MGST1: variants seen among roughly 807,000 people sequenced by gnomAD.
The protein encoded by MGST1 is glutathione S-transferase 12.
MGST1 carries 5 observed loss-of-function variants against 8.9 expected under a neutral mutation model. That is an observed-to-expected ratio of 0.56 (90% CI 0.29 to 1.19). The LOEUF (loss-of-function observed/expected upper bound fraction) is 1.19, where lower values mean the gene tolerates loss of function less well. Among genes scored for constraint, MGST1 ranks in the 50% most tolerant of loss-of-function variants. MGST1 has a pLI of 0.08. For synonymous variants in MGST1, 54 were observed against 67.8 expected, an observed-to-expected ratio of 0.80 and a Z score of 1.00; for missense variants, 182 against 187.4, an observed-to-expected ratio of 0.97 and a Z score of 0.17.
In MGST1 at chr12:16,486,333, A is replaced by G. The variant is rs367815034; in HGVS notation, n.482+102729A>G. On this transcript the variant is annotated intron_variant and non_coding_transcript_variant, in intron 4 of 4. Transcript: ENST00000538857. ...GAAGCACCTAGAAGAATGCTCAGCT[A>G]TTAATCGAAAATTGATGACTATTTG... Among the ~76,000 whole-genome samples, 39 of 152,354 alleles carry G rather than the reference A, an allele frequency of 2.6e-4. No individual in the cohort carries two copies. The East Asian group carries it at 2.9e-3, about 11-fold the overall frequency.
downstream of MGST1, among the ~76,000 whole-genome samples, chr12:16,367,099 G>A (rs1377236477): frequency 6.6e-6 from 1 of 152,162 alleles, no homozygotes; most frequent in African/African-American, 2.4e-5. Flanking sequence ...CATTGAATTA[G>A]AACAATTTTT....
chr12:16,490,633 T>A (rs1941432630), intron 4 of MGST1, among the ~76,000 whole-genome samples: 1 of 152,182 alleles, frequency 6.6e-6, no homozygotes, highest in Admixed American at 6.5e-5. Flanking sequence ...ATTTTGCATA[T>A]AATGATATCA....
At chr12:16,381,746 C>T (rs1268124695), downstream of MGST1, among the ~76,000 whole-genome samples, 1 of 152,152 alleles carries the variant, frequency 6.6e-6, no homozygotes, top group Non-Finnish European at 1.5e-5. Flanking sequence ...CACCTTGGTT[C>T]CATTCTCCCC....
In MGST1 at chr12:16,482,948, A is replaced by C. The variant is rs1194617534; in HGVS notation, n.482+99344A>C. On this transcript the variant is annotated intron_variant and non_coding_transcript_variant, in intron 4 of 4. Transcript: ENST00000538857. The surrounding 1 kb of genome is among the most constrained non-coding windows in gnomAD (Gnocchi z 4.2). The stretch of plus-strand genomic sequence containing the variant: ...GCTCAAATAATTCATGAGTCCTCCA[A>C]GTAAGACTAATGTAGGCAAGAATGT... Among the ~76,000 whole-genome samples the C allele has an allele frequency of 1.3e-5, 2 of 152,200 alleles. No individual in the cohort carries two copies. Among genetic ancestry groups the C allele is most frequent in the Non-Finnish European group, 2.9e-5 (2 of 68,018 alleles).
chr12:16,380,234 A>G (rs1368889430), downstream of MGST1, among the ~76,000 whole-genome samples: 1 of 151,916 alleles, frequency 6.6e-6, no homozygotes, highest in Non-Finnish European at 1.5e-5. Flanking sequence ...TTGTGATGTT[A>G]GGGTGTCAAT....
At chr12:16,402,150 G>A (rs990633354) in intron 1 of MGST1, 2 of 1,529,936 alleles carry the variant, frequency 1.3e-6, no homozygotes, top group African/African-American at 1.4e-5. Flanking sequence ...ATTGCCCTTA[G>A]TGTTGGCAAT....
intron 4 of MGST1, among the ~76,000 whole-genome samples, chr12:16,490,773 G>A (rs771274651): frequency 7.2e-5 from 11 of 152,132 alleles, no homozygotes. Context: ...TATGACACCT[G>A]AGCATGGTTA....
downstream of MGST1, among the ~76,000 whole-genome samples, chr12:16,592,507 G>A (rs1943525242): frequency 6.6e-6 from 1 of 151,938 alleles, no homozygotes; most frequent in Admixed American, 6.6e-5. Context: ...CCTGTAAAAT[G>A]CAAATAACCT....
Position 16,537,865 on chromosome 12 carries a change from G to T in MGST1, n.483-51663G>T, listed in dbSNP as rs1941765021. Among the ~76,000 whole-genome samples the T allele has an allele frequency of 6.6e-6, 1 of 152,126 alleles. No homozygotes were observed. Among genetic ancestry groups the T allele is most frequent in the African/African-American group, 2.4e-5 (1 of 41,410 alleles). ...AGCCTTCCCGGTCTGTGATGGGAGG[G>T]GCTGCTGTGAAGACCTATTGCATGC... On this transcript the variant is annotated intron_variant and non_coding_transcript_variant, in intron 4 of 4. Transcript: ENST00000538857. This position sits in a 1 kb window ranked among gnomAD's most constrained non-coding sequence, Gnocchi z 4.6.
rs1484236313 is a variant in MGST1 at position 16,402,257 on chromosome 12, C to G, written n.778+18653C>G. On this transcript the variant is annotated intron_variant and non_coding_transcript_variant, in intron 1 of 1. Transcript: ENST00000359720. The stretch of plus-strand genomic sequence containing the variant: ...TATCAGTTAGTTCATAACCAAAGAG[C>G]CATGTCTGTAAGGCAGTTGATTTGG... The G allele has an allele frequency of 1.9e-6, 3 of 1,588,544 alleles. No homozygotes were observed. In the African/African-American group the frequency reaches 4.0e-5, roughly 21 times the overall value.
At position 16,497,514 on chromosome 12, in the gene MGST1, C is replaced by A. The variant is rs1941478466; in HGVS notation, n.483-92014C>A. Among the ~76,000 whole-genome samples, 1 of 152,154 alleles carries A rather than the reference C, an allele frequency of 6.6e-6. No individual in the cohort carries two copies. The highest frequency in any genetic ancestry group is 2.4e-5 in the African/African-American group (1 of 41,446). On this transcript the variant is annotated intron_variant and non_coding_transcript_variant, in intron 4 of 4. Coordinates refer to the MGST1 transcript ENST00000538857. This position sits in a 1 kb window ranked among gnomAD's most constrained non-coding sequence, Gnocchi z 4.4. Reference sequence around the variant, plus strand: ...GCAGAGTTTGGTGAGAAAAGAATCTCTTCAGTTATGTGTAAACAGATATTT... The same window carrying A: ...GCAGAGTTTGGTGAGAAAAGAATCTATTCAGTTATGTGTAAACAGATATTT...
intron 4 of MGST1, among the ~76,000 whole-genome samples, chr12:16,496,281 G>A (rs531872152): frequency 6.6e-6 from 1 of 152,200 alleles, no homozygotes; most frequent in Non-Finnish European, 1.5e-5. Flanking sequence ...CACAGATCTA[G>A]TGTGGTTGGC....
chr12:16,567,094 G>A (rs528908256), intron 4 of MGST1, among the ~76,000 whole-genome samples: 1 of 152,262 alleles, frequency 6.6e-6, no homozygotes, highest in Admixed American at 6.5e-5. Flanking sequence ...TACTCAGGAG[G>A]CTGAGCCAGG....
chr12:16,489,830 A>G lies in MGST1; in HGVS notation n.483-99698A>G, dbSNP rs183882538. Among the ~76,000 whole-genome samples the G allele has an allele frequency of 3.1e-3, 468 of 152,288 alleles. 1 individual carries two copies. Among genetic ancestry groups the G allele is most frequent in the Non-Finnish European group, 4.4e-3 (300 of 68,004 alleles). ...TTGTGCCCAGTTATTTTCTACCGCC[A>G]TGAAAGAGACTTCTACATTCTCACC... On this transcript the variant is annotated intron_variant and non_coding_transcript_variant, in intron 4 of 4. Coordinates refer to the MGST1 transcript ENST00000538857.
chr12:16,580,091 A>G lies in MGST1; in HGVS notation n.483-9437A>G, dbSNP rs183657223. Among the ~76,000 whole-genome samples, 9 of 152,330 alleles carry G rather than the reference A, an allele frequency of 5.9e-5. No homozygotes were observed. The East Asian group carries it at 1.7e-3, about 29-fold the overall frequency. ...ATTTCCTGATATTATACAATATGAT[A>G]TCATTTATCATGTATTCTAAAACAA... On this transcript the variant is annotated intron_variant and non_coding_transcript_variant, in intron 4 of 4. Coordinates refer to the MGST1 transcript ENST00000538857.
chr12:16,535,272 G>T (rs1941748645), intron 4 of MGST1, among the ~76,000 whole-genome samples: 1 of 152,154 alleles, frequency 6.6e-6, no homozygotes, highest in South Asian at 2.1e-4. Context: ...CCTAAAGGGT[G>T]GTCATCAATG....
At chr12:16,402,353 T>C in intron 1 of MGST1, 1 of 1,602,482 alleles carries the variant, frequency 6.2e-7, no homozygotes, top group Non-Finnish European at 8.5e-7. Flanking sequence ...ATCTTCTCCT[T>C]TCTGCCAATT....
chr12:16,521,973 T>C (rs1009610432), intron 4 of MGST1, among the ~76,000 whole-genome samples: 1 of 152,080 alleles, frequency 6.6e-6, no homozygotes, highest in Non-Finnish European at 1.5e-5. Context: ...AACTTTCATA[T>C]GTTTGTGGCC....
chr12:16,480,615 C>T (rs1396472246), intron 4 of MGST1, among the ~76,000 whole-genome samples: 2 of 152,146 alleles, frequency 1.3e-5, no homozygotes, highest in Admixed American at 1.3e-4. Context: ...AAATATTTAT[C>T]AGGTAATCTA....
Sources: gnomAD v4.1 joint callset for allele counts (sites outside exome capture counted in the v4.1 genomes callset) on GRCh38, gnomAD v4.1.1 for gene constraint, Gnocchi (gnomAD v3.1) non-coding constraint, MANE v1.5 for transcripts, NCBI Gene and HGNC (gene_info 2026-07-23, HGNC 2026-07-21) for gene names.